The following NLRP13 variants were observed in gnomAD, a reference collection of about 807,000 sequenced individuals.
NLRP13 encodes NACHT, LRR and PYD domains-containing protein 13.
A neutral mutation model predicts 94.4 loss-of-function variants in NLRP13; 82 were observed. The observed-to-expected ratio is 0.87, with a 90% CI of 0.73 to 1.04. NLRP13 has a LOEUF of 1.04. Ranked by LOEUF, NLRP13 falls within the 50% of genes least tolerant of loss-of-function variation. The pLI, the probability that NLRP13 is intolerant of heterozygous loss-of-function variation, is 0.00. For missense variants in NLRP13, 1,426 were observed against 1,230.8 expected, an observed-to-expected ratio of 1.16 and a Z score of -2.37; for synonymous variants, 553 against 464.7, an observed-to-expected ratio of 1.19 and a Z score of -2.45.
rs1330095025 is a variant in NLRP13 at position 55,910,661 on chromosome 19, C to T, written c.2184G>A (p.Leu728=). ...TGCTGTTACTCAGGTCTAGCTCATGCAGATTCTCATTTGTGACCAACGTAG... is the reference window on the plus strand; with the variant it reads ...TGCTGTTACTCAGGTCTAGCTCATGTAGATTCTCATTTGTGACCAACGTAG... The part of the protein sequence containing the change: ...ICSTLVTNEN[L]HELDLSNSKL... The change falls in exon 6 of 11, where the codon CTG becomes CTA. Residue 728 remains leucine (L), a synonymous_variant. Transcript: ENST00000342929. 6.2e-7 allele frequency: 1 copy of T among 1,613,946 alleles called. No homozygotes were observed.
In NLRP13 at chr19:55,912,878, A is replaced by T. The variant is rs1261518090; in HGVS notation, c.939T>A (p.Phe313Leu). 4 of 1,614,038 alleles carry T rather than the reference A, an allele frequency of 2.5e-6. No individual in the cohort carries two copies. The Admixed American group carries it at 6.7e-5, about 27-fold the overall frequency. Residue 313 changes from phenylalanine to leucine, a missense_variant, in exon 5 of 11, where the codon TTT becomes TTA. Phe to Leu is a conservative substitution (Grantham distance 22). Coordinates refer to ENST00000342929, the MANE Select transcript of NLRP13 (RefSeq NM_176810.2). The stretch of plus-strand genomic sequence containing the variant: ...GTGACTCAGATATGATTATTTCCTC[A>T]AAGCCATCAATAATAAACAGGAGCT... ...PEKLLFIIDG[F>L]EEIIISESRS...
At chr19:55,921,061 CAT>C (rs1202377024) in intron 4 of NLRP13, among the ~76,000 whole-genome samples, 1 of 152,038 alleles carries the variant, frequency 6.6e-6, no homozygotes, top group Non-Finnish European at 1.5e-5. Context: ...GGAACTAAAT[CAT>C]GTGTACATAT....
Position 55,896,003 on chromosome 19 carries a change from A to G in NLRP13, c.3074T>C (p.Val1025Ala), listed in dbSNP as rs1471600645. Reference sequence around the variant, plus strand: ...TTTCAAAGCCTTACATAGCATCTTGACACCATCAGTATCCAATTCATTGCC... The same window carrying G: ...TTTCAAAGCCTTACATAGCATCTTGGCACCATCAGTATCCAATTCATTGCC... ...LLGNELDTDG[V>A]KMLCKALKKS... Residue 1025 changes from valine to alanine, a missense_variant, in exon 11 of 11, where the codon GTC becomes GCC. Physicochemically the swap from Val to Ala is moderately conservative, Grantham distance 64. Coordinates refer to ENST00000342929, the MANE Select transcript of NLRP13 (RefSeq NM_176810.2). 1 of 1,614,192 alleles carries G rather than the reference A, an allele frequency of 6.2e-7. No homozygotes were observed. The highest frequency in any genetic ancestry group is 8.5e-7 in the Non-Finnish European group (1 of 1,180,024).
chr19:55,913,823 AGT>A (rs1327186646), intron 4 of NLRP13, among the ~76,000 whole-genome samples: 1 of 151,848 alleles, frequency 6.6e-6, no homozygotes, highest in African/African-American at 2.4e-5. Context: ...AAGCCTCGTG[AGT>A]GTGCCCACTC....
downstream of NLRP13, among the ~76,000 whole-genome samples, chr19:55,893,259 G>T (rs188124359): frequency 6.6e-6 from 1 of 151,886 alleles, no homozygotes; most frequent in Non-Finnish European, 1.5e-5. Flanking sequence ...GTGGTGGCAC[G>T]TGCCTGTAAT....
downstream of NLRP13, among the ~76,000 whole-genome samples, chr19:55,893,539 GC>G (rs1341224264): frequency 6.6e-6 from 1 of 152,068 alleles, no homozygotes; most frequent in Non-Finnish European, 1.5e-5. Context: ...CACCACCCTA[GC>G]CTTACCCACA....
intron 7 of NLRP13, among the ~76,000 whole-genome samples, chr19:55,907,202 C>T (rs1986379012): frequency 6.6e-6 from 1 of 152,090 alleles, no homozygotes; most frequent in African/African-American, 2.4e-5. Flanking sequence ...TCATGATTTG[C>T]CCCACTCCAC....
At position 55,924,065 on chromosome 19, in the gene NLRP13, C is replaced by A; in HGVS notation, c.458-86G>T. 3.1e-6 allele frequency: 3 copies of A among 978,364 alleles called. No individual in the cohort carries two copies. The East Asian group carries it at 7.2e-5, about 23-fold the overall frequency. The allele number at this position is 978,364 out of a possible 1,614,324, so 60.6% of individuals were successfully genotyped here. The stretch of plus-strand genomic sequence containing the variant: ...ATAAAGACTCTCAGTAGAACCAACT[C>A]TTTCTATGGCAAACTTGAGAGTGAA... On this transcript the variant is annotated intron_variant, in intron 3 of 10. Coordinates refer to ENST00000342929, the MANE Select transcript of NLRP13 (RefSeq NM_176810.2).
In NLRP13 at chr19:55,904,957, G is replaced by T. The variant is rs781260884; in HGVS notation, c.2603C>A (p.Ala868Asp). ...LCAALTHPKCALERLELWFCQ... is the reference protein window; with the variant it reads ...LCAALTHPKCDLERLELWFCQ... ...GAAAACTTACTCCAGTCTCTCTAAG[G>T]CACACTTGGGGTGAGTCAGGGCCGC... Residue 868 changes from alanine (A) to aspartate (D), a missense_variant, in exon 8 of 11, where the codon GCC (alanine) becomes GAC (aspartate). Physicochemically the swap from Ala to Asp is moderately radical, Grantham distance 126. Coordinates refer to ENST00000342929, the MANE Select transcript of NLRP13 (RefSeq NM_176810.2). 1 of 1,613,412 alleles carries T rather than the reference G, an allele frequency of 6.2e-7. No individual in the cohort carries two copies. Among genetic ancestry groups the T allele is most frequent in the South Asian group, 1.1e-5 (1 of 91,036 alleles).
intron 7 of NLRP13, among the ~76,000 whole-genome samples, chr19:55,906,462 T>C (rs912101480): frequency 2.7e-5 from 4 of 150,786 alleles, no homozygotes; most frequent in Admixed American, 1.3e-4. Flanking sequence ...CCCCAAAACC[T>C]ACCCACTGCC....
At position 55,927,206 on chromosome 19, in the gene NLRP13, TAAC is replaced by T. The variant is rs1986985624; in HGVS notation, c.320-2174_320-2172del. ...CAGCGTGGGGAAACCCCATCTCTAA[TAAC>T]AACACAAAAATTAGCTGGGTGTGGT... On this transcript the variant is annotated intron_variant, in intron 1 of 10. Transcript: ENST00000342929. Among the ~76,000 whole-genome samples, 10 of 151,618 alleles carry T rather than the reference TAAC, an allele frequency of 6.6e-5. No individual in the cohort carries two copies. In the South Asian group the frequency reaches 2.1e-3, roughly 32 times the overall value.
At chr19:55,931,280 C>A (rs565251316) in intron 1 of NLRP13, among the ~76,000 whole-genome samples, 1 of 151,932 alleles carries the variant, frequency 6.6e-6, no homozygotes, top group African/African-American at 2.4e-5. Context: ...CGGTGGGTTG[C>A]GGGGGCAGGG....
At chr19:55,919,560 A>G (rs1986760800) in intron 4 of NLRP13, among the ~76,000 whole-genome samples, 1 of 152,060 alleles carries the variant, frequency 6.6e-6, no homozygotes, top group Non-Finnish European at 1.5e-5. Flanking sequence ...TAGCCTTTCT[A>G]TACTCCATAA....
At chr19:55,917,207 T>C (rs2123132144) in intron 4 of NLRP13, among the ~76,000 whole-genome samples, 2 of 152,208 alleles carry the variant, frequency 1.3e-5, no homozygotes, top group Middle Eastern at 6.8e-3. Context: ...CTACAGGAAA[T>C]ACTTGAAGGA....
intron 1 of NLRP13, among the ~76,000 whole-genome samples, chr19:55,927,979 G>C (rs1305898676): frequency 6.6e-6 from 1 of 152,120 alleles, no homozygotes; most frequent in Non-Finnish European, 1.5e-5. Flanking sequence ...CCACAACACT[G>C]GTCAAGTACA....
chr19:55,898,296 A>G (rs1393150425), intron 10 of NLRP13, among the ~76,000 whole-genome samples: 2 of 143,152 alleles, frequency 1.4e-5, no homozygotes, highest in Non-Finnish European at 3.0e-5. Context: ...TGCAACCTCT[A>G]CCTCCCGGGT....
At chr19:55,929,353 T>G (rs1987048928) in intron 1 of NLRP13, among the ~76,000 whole-genome samples, 1 of 152,168 alleles carries the variant, frequency 6.6e-6, no homozygotes, top group South Asian at 2.1e-4. Flanking sequence ...CTGTTCACAA[T>G]AGCAAAGACT....
chr19:55,894,236 C>G (rs913314197), downstream of NLRP13, among the ~76,000 whole-genome samples: 5 of 152,006 alleles, frequency 3.3e-5, no homozygotes, highest in Admixed American at 3.3e-4. Context: ...GAGACAGGAT[C>G]TGCCTATGTT....
chr19:55,927,833 G>A (rs1252974959), intron 1 of NLRP13, among the ~76,000 whole-genome samples: 1 of 152,132 alleles, frequency 6.6e-6, no homozygotes, highest in Non-Finnish European at 1.5e-5. Context: ...GTTACCGTTG[G>A]TCAAATGGAA....
Sources: gnomAD v4.1 joint callset for allele counts (sites outside exome capture counted in the v4.1 genomes callset) on GRCh38, gnomAD v4.1.1 for gene constraint, MANE v1.5 for transcripts, NCBI Gene and HGNC (gene_info 2026-07-23, HGNC 2026-07-21) for gene names.